KIF3B: variants seen among roughly 807,000 people sequenced by gnomAD.
The protein encoded by KIF3B is kinesin-like protein KIF3B.
Under a neutral mutation model 74.3 loss-of-function variants are expected in KIF3B, and 38 were observed. The ratio of observed to expected loss-of-function variants is 0.51; its 90% CI spans 0.39 to 0.67. KIF3B has a LOEUF of 0.67. KIF3B is among the 30% of genes least tolerant of loss of function. KIF3B has a pLI of 0.00. For synonymous variants in KIF3B, 326 were observed against 342.5 expected (o/e 0.95, Z 0.53); for missense variants, 649 against 932.0 (o/e 0.70, Z 3.95).
intron 2 of KIF3B, among the ~76,000 whole-genome samples, chr20:32,314,073 G>A (rs1334763213): frequency 1.3e-5 from 2 of 152,070 alleles, no homozygotes; most frequent in African/African-American, 4.8e-5. Context: ...TGTTATTCAA[G>A]GCCAGGAGCA....
intron 1 of KIF3B, among the ~76,000 whole-genome samples, chr20:32,308,240 TAAA>T (rs936778415): frequency 1.3e-5 from 2 of 151,966 alleles, no homozygotes; most frequent in African/African-American, 2.4e-5. Context: ...CGTCTCAAAT[TAAA>T]AAAAGGGTTT....
At position 32,331,838 on chromosome 20, in the gene KIF3B, C is replaced by G. The variant is rs2094261445; in HGVS notation, c.*519C>G. 1 of 153,306 alleles carries G rather than the reference C, an allele frequency of 6.5e-6. No individual in the cohort carries two copies. Among genetic ancestry groups the G allele is most frequent in the Non-Finnish European group, 1.5e-5 (1 of 68,852 alleles). 9.5% of individuals were successfully genotyped at this position (153,306 alleles called of 1,614,324 possible). On this transcript the variant is annotated 3_prime_UTR_variant, in exon 9 of 9. Coordinates refer to ENST00000375712, the MANE Select transcript of KIF3B (RefSeq NM_004798.4). ...GTTCTTGTAGGGAGAAATGAGAAATCGCATTTGGATCCAGGCCCCAGGTGG... is the reference window on the plus strand; with the variant it reads ...GTTCTTGTAGGGAGAAATGAGAAATGGCATTTGGATCCAGGCCCCAGGTGG...
At position 32,332,841 on chromosome 20, in the gene KIF3B, A is replaced by T. The variant is rs1352068342; in HGVS notation, c.*1522A>T. ...ACTAATCCAGGCTGGAAGCATTCCCATGTGGGTGTCTGAGTCCATGAGCCA... is the reference window on the plus strand; with the variant it reads ...ACTAATCCAGGCTGGAAGCATTCCCTTGTGGGTGTCTGAGTCCATGAGCCA... On this transcript the variant is annotated 3_prime_UTR_variant, in exon 9 of 9. Coordinates refer to ENST00000375712, the MANE Select transcript of KIF3B (RefSeq NM_004798.4). The T allele has an allele frequency of 6.6e-6, 1 of 152,644 alleles. No individual in the cohort carries two copies. The highest frequency in any genetic ancestry group is 1.5e-5 in the Non-Finnish European group (1 of 68,044). 9.5% of individuals were successfully genotyped at this position (152,644 alleles called of 1,614,324 possible).
intron 1 of KIF3B, among the ~76,000 whole-genome samples, chr20:32,289,426 T>C (rs2047681129): frequency 6.6e-6 from 1 of 152,160 alleles, no homozygotes; most frequent in Non-Finnish European, 1.5e-5. Flanking sequence ...ACACCTGACC[T>C]TGTGATCCAC....
chr20:32,301,094 T>G (rs551043876), intron 1 of KIF3B, among the ~76,000 whole-genome samples: 5 of 144,840 alleles, frequency 3.5e-5, no homozygotes, highest in African/African-American at 1.3e-4. Flanking sequence ...TCTTTTTTTT[T>G]TTTTTTTTTT....
At chr20:32,304,650 A>C (rs1473971355) in intron 1 of KIF3B, among the ~76,000 whole-genome samples, 1 of 152,224 alleles carries the variant, frequency 6.6e-6, no homozygotes, top group Non-Finnish European at 1.5e-5. Flanking sequence ...CTCCAAGGAC[A>C]CTGTTTATTA....
At chr20:32,330,070 G>A (rs1452348324) in intron 7 of KIF3B, 71 bp from the exon 8 acceptor site, 12 of 1,364,328 alleles carry the variant, frequency 8.8e-6, no homozygotes, top group South Asian at 2.9e-5. Context: ...TCTTGGAGGG[G>A]CCCTCGATTG....
chr20:32,277,733 G>A lies in KIF3B; in HGVS notation c.-98G>A. 7.5e-6 allele frequency: 2 copies of A among 266,608 alleles called. No homozygotes were observed. The highest frequency in any genetic ancestry group is 1.4e-5 in the Non-Finnish European group (2 of 147,178). The allele number at this position is 266,608 out of a possible 1,614,324, so 16.5% of individuals were successfully genotyped here. On this transcript the variant is annotated 5_prime_UTR_variant, in exon 1 of 9. Transcript: ENST00000375712. ...CGCCGCCGCCGCCGCCGCCGCCGCC[G>A]CCGCCGCCGCCCGCTTTCGGCTCGG...
chr20:32,305,990 G>A (rs1388367606), intron 1 of KIF3B, among the ~76,000 whole-genome samples: 1 of 151,396 alleles, frequency 6.6e-6, no homozygotes, highest in Non-Finnish European at 1.5e-5. Context: ...GGAGGCTGAG[G>A]CAGGATAATT....
intron 1 of KIF3B, among the ~76,000 whole-genome samples, chr20:32,291,315 A>G (rs903930203): frequency 6.6e-6 from 1 of 151,210 alleles, no homozygotes. Context: ...TTAGAGGGTG[A>G]TTTTTTTTTC....
At chr20:32,290,250 G>A (rs112440664) in intron 1 of KIF3B, among the ~76,000 whole-genome samples, 2,734 of 152,170 alleles carry the variant, frequency 0.018, 32 homozygotes, top group Non-Finnish European at 0.026. Context: ...GTGCGTGGTG[G>A]CAGGCGCCTG....
intron 5 of KIF3B, among the ~76,000 whole-genome samples, chr20:32,321,784 T>C (rs927898040): frequency 6.6e-5 from 10 of 152,170 alleles, no homozygotes; most frequent in Admixed American, 6.6e-4. Flanking sequence ...CAGCATATGC[T>C]CTCTTCATGT....
intron 1 of KIF3B, among the ~76,000 whole-genome samples, chr20:32,284,998 C>T (rs73906115): frequency 0.015 from 2,267 of 151,332 alleles, 47 homozygotes; most frequent in African/African-American, 0.051. Context: ...ACCATTCATT[C>T]GCGTGTTCAT....
intron 1 of KIF3B, among the ~76,000 whole-genome samples, chr20:32,298,813 C>T (rs1259384600): frequency 6.6e-6 from 1 of 152,034 alleles, no homozygotes; most frequent in Non-Finnish European, 1.5e-5. Context: ...TAGTAGGCCA[C>T]CACACTGGGC....
intron 1 of KIF3B, among the ~76,000 whole-genome samples, chr20:32,278,180 TAAA>T (rs1229445261): frequency 9.9e-5 from 15 of 152,072 alleles, no homozygotes; most frequent in African/African-American, 3.6e-4. Context: ...CTCAGAGTGG[TAAA>T]GATAATGAGA....
intron 5 of KIF3B, among the ~76,000 whole-genome samples, chr20:32,322,826 ATG>A (rs1196190447): frequency 5.3e-4 from 36 of 68,116 alleles, no homozygotes; most frequent in African/African-American, 2.0e-3. Flanking sequence ...ATATATTTAT[ATG>A]TATATTTTTA....
At position 32,331,401 on chromosome 20, in the gene KIF3B, G is replaced by A. The variant is rs2047929485; in HGVS notation, c.*82G>A. ...TAGCAAAAAGCTGCAGAGAGGATTC[G>A]GCCCAAACTCAGAACTGTTCCCCTG... On this transcript the variant is annotated 3_prime_UTR_variant, in exon 9 of 9. Transcript: ENST00000375712. 2.6e-6 allele frequency: 3 copies of A among 1,144,634 alleles called. No individual in the cohort carries two copies. Among genetic ancestry groups the A allele is most frequent in the Non-Finnish European group, 3.8e-6 (3 of 783,010 alleles). The allele number at this position is 1,144,634 out of a possible 1,614,324, so 70.9% of individuals were successfully genotyped here.
At chr20:32,285,288 A>T (rs539728092) in intron 1 of KIF3B, among the ~76,000 whole-genome samples, 1 of 152,308 alleles carries the variant, frequency 6.6e-6, no homozygotes, top group East Asian at 1.9e-4. Flanking sequence ...AGCAGGTAGG[A>T]ACTGTGAGCT....
At position 32,309,899 on chromosome 20, in the gene KIF3B, T is replaced by C; in HGVS notation, c.122T>C (p.Val41Ala). Reference sequence around the variant, plus strand: ...GATGTGGATGTTAAGCTGGGGCAGGTGTCTGTGAAGAACCCCAAAGGGACG... The same window carrying C: ...GATGTGGATGTTAAGCTGGGGCAGGCGTCTGTGAAGAACCCCAAAGGGACG... ...VVDVDVKLGQ[V>A]SVKNPKGTAH... Residue 41 changes from valine to alanine, a missense_variant, in exon 2 of 9, where the codon GTG becomes GCG. Val to Ala is a moderately conservative substitution (Grantham distance 64, BLOSUM62 0). Transcript: ENST00000375712. 6.2e-7 allele frequency: 1 copy of C among 1,614,130 alleles called. No individual in the cohort carries two copies.
Sources: allele counts gnomAD v4.1 joint callset (sites outside exome capture counted in the v4.1 genomes callset), GRCh38; gene constraint gnomAD v4.1.1; transcripts MANE v1.5; gene names NCBI Gene and HGNC (gene_info 2026-07-23, HGNC 2026-07-21).